IL5: variants seen among roughly 807,000 people sequenced by gnomAD.
The protein encoded by IL5 is interleukin-5.
A neutral mutation model predicts 16.3 loss-of-function variants in IL5; 12 were observed. The ratio of observed to expected loss-of-function variants is 0.74; its 90% confidence interval spans 0.47 to 1.20. The LOEUF is 1.20. Among genes scored for constraint, IL5 ranks in the 50% most tolerant of loss-of-function variants. The pLI, the probability that IL5 is intolerant of heterozygous loss-of-function variation, is 0.00. For synonymous variants in IL5, 54 were observed against 56.6 expected (o/e 0.95, Z 0.21); for missense variants, 159 against 153.9 (o/e 1.03, Z -0.17).
chr5:132,547,190 A>G (rs1422854765), upstream of IL5, among the ~76,000 whole-genome samples: 1 of 152,200 alleles, frequency 6.6e-6, no homozygotes, highest in Admixed American at 6.5e-5. Flanking sequence ...TGACTTTTTA[A>G]AAAAGAGAAC....
chr5:132,543,996 C>G (rs962359287), upstream of IL5: 3 of 152,544 alleles, frequency 2.0e-5, no homozygotes, highest in African/African-American at 7.2e-5. Context: ...TTGGCAGGGT[C>G]GAGTTCTGTT....
chr5:132,543,532 C>CCTG, upstream of IL5: 5 of 1,534,188 alleles, frequency 3.3e-6, no homozygotes, highest in South Asian at 2.5e-5. Flanking sequence ...TAGTACAAGA[C>CCTG]TGCGTCCCCA....
chr5:132,543,031 C>T (rs909530658), intron 2 of IL5, 63 bp downstream of exon 2: 2 of 1,220,472 alleles, frequency 1.6e-6, no homozygotes, highest in Non-Finnish European at 2.4e-6. Context: ...TAATGATTTA[C>T]AGCTTAAAAC....
intron 1 of IL5, chr5:132,556,190 C>T (rs1384995967): frequency 1.3e-5 from 2 of 152,170 alleles, no homozygotes; most frequent in Non-Finnish European, 2.9e-5. Context: ...ATTTAAATGT[C>T]CTCCACTATT....
At chr5:132,542,615 C>A (rs1048499045) in intron 2 of IL5, among the ~76,000 whole-genome samples, 1 of 151,908 alleles carries the variant, frequency 6.6e-6, no homozygotes, top group Non-Finnish European at 1.5e-5. Flanking sequence ...TTAATATGAC[C>A]AGGACATATT....
chr5:132,544,840 A>G (rs1749758708), upstream of IL5, among the ~76,000 whole-genome samples: 2 of 152,188 alleles, frequency 1.3e-5, no homozygotes, highest in Non-Finnish European at 2.9e-5. Flanking sequence ...CAGTTTTCCA[A>G]AGCTAGGTGC....
At chr5:132,554,705 A>G (rs1749943775) in intron 1 of IL5, among the ~76,000 whole-genome samples, 1 of 152,244 alleles carries the variant, frequency 6.6e-6, no homozygotes, top group Admixed American at 6.5e-5. Context: ...TATACCCAAA[A>G]GAATTGAAAG....
At chr5:132,548,612 G>A (rs1749832472) in intron 1 of IL5, among the ~76,000 whole-genome samples, 1 of 152,130 alleles carries the variant, frequency 6.6e-6, no homozygotes, top group East Asian at 1.9e-4. Flanking sequence ...TGCACGCGAG[G>A]TGAATTGGCA....
chr5:132,555,655 A>G (rs1749967704), intron 1 of IL5, among the ~76,000 whole-genome samples: 1 of 152,134 alleles, frequency 6.6e-6, no homozygotes, highest in Non-Finnish European at 1.5e-5. Flanking sequence ...AGCTGGGACC[A>G]TCGGCGCCTG....
intron 2 of IL5, among the ~76,000 whole-genome samples, chr5:132,542,472 C>T (rs546636574): frequency 5.3e-5 from 8 of 152,092 alleles, no homozygotes; most frequent in African/African-American, 1.9e-4. Flanking sequence ...AAGGATATAA[C>T]TTAATTATGT....
intron 1 of IL5, among the ~76,000 whole-genome samples, chr5:132,552,976 C>T (rs371818719): frequency 3.3e-5 from 5 of 152,190 alleles, no homozygotes; most frequent in African/African-American, 4.8e-5. Context: ...CCTCATGATC[C>T]GCCTGCCTCA....
At chr5:132,548,229 CAAA>C (rs112997896), upstream of IL5, among the ~76,000 whole-genome samples, 7 of 96,544 alleles carry the variant, frequency 7.3e-5, no homozygotes, top group Non-Finnish European at 4.4e-5. Flanking sequence ...GACCCTGTCT[CAAA>C]AAAAAAAAAA....
At chr5:132,547,096 A>G (rs1316398422), upstream of IL5, among the ~76,000 whole-genome samples, 2 of 152,220 alleles carry the variant, frequency 1.3e-5, no homozygotes, top group Non-Finnish European at 2.9e-5. Flanking sequence ...CCTGTGCCCA[A>G]GAATTCAAAA....
At chr5:132,554,720 G>A (rs1465442222) in intron 1 of IL5, among the ~76,000 whole-genome samples, 1 of 152,054 alleles carries the variant, frequency 6.6e-6, no homozygotes, top group Non-Finnish European at 1.5e-5. Context: ...TGAAAGCAGG[G>A]TCCAGAAGTG....
chr5:132,554,533 C>A (rs1453139728), intron 1 of IL5, among the ~76,000 whole-genome samples: 1 of 152,040 alleles, frequency 6.6e-6, no homozygotes, highest in Non-Finnish European at 1.5e-5. Context: ...CATAAAAAAA[C>A]ATAAAATAAC....
At position 132,542,507 on chromosome 5, in the gene IL5, T is replaced by G. The variant is rs144287132; in HGVS notation, c.178-364A>C. ...TAACTGGAAAAAAATGTTTTGGAAG[T>G]GTAATGCATTATACATTAAACTCAT... is the stretch of plus-strand genomic sequence containing the variant. On this transcript the variant is annotated intron_variant, in intron 2 of 3. Transcript: ENST00000231454. 3.1e-3 allele frequency among the ~76,000 whole-genome samples: 473 copies of G among 152,308 alleles called. 2 individuals carry two copies. Among genetic ancestry groups the G allele is most frequent in the African/African-American group, 9.8e-3 (408 of 41,552 alleles).
At chr5:132,556,618 C>A (rs1029866121) in intron 1 of IL5, 6 of 1,098,256 alleles carry the variant, frequency 5.5e-6, no homozygotes, top group Admixed American at 4.5e-5. Flanking sequence ...AATTACTACA[C>A]GAACGTTAGA....
In IL5 at chr5:132,550,078, C is replaced by T. The variant is rs1180555622; in HGVS notation, c.42+6596G>A. ...TTTCACATATCTATACAATTTCCTA[C>T]TTATTATTTTAGTGATAACCTGCTA... On this transcript the variant is annotated intron_variant, in intron 1 of 2. Coordinates refer to the IL5 transcript ENST00000450655. 2.0e-5 allele frequency among the ~76,000 whole-genome samples: 3 copies of T among 152,012 alleles called. No individual in the cohort carries two copies. In the East Asian group the frequency reaches 5.8e-4, roughly 29 times the overall value.
intron 1 of IL5, 59 bp from the exon 2 acceptor site, chr5:132,543,185 C>T: frequency 6.6e-7 from 1 of 1,523,918 alleles, no homozygotes; most frequent in Non-Finnish European, 9.1e-7. Flanking sequence ...TAACTTTTAA[C>T]AGAATGTTTG....
Sources: gnomAD v4.1 joint callset for allele counts (sites outside exome capture counted in the v4.1 genomes callset) on GRCh38, gnomAD v4.1.1 for gene constraint, MANE v1.5 for transcripts, NCBI Gene and HGNC (gene_info 2026-07-23, HGNC 2026-07-21) for gene names.